CDC25A: variants seen among roughly 807,000 people sequenced by gnomAD.
CDC25A encodes cell division cycle 25A, also known as M-phase inducer phosphatase 1.
CDC25A carries 17 observed loss-of-function variants against 64.6 expected under a neutral mutation model. The ratio of observed to expected loss-of-function variants is 0.26; its 90% confidence interval spans 0.18 to 0.39. CDC25A has a LOEUF of 0.39. Ranked by LOEUF, CDC25A falls within the 10% of genes least tolerant of loss-of-function variation. The probability of loss-of-function intolerance (pLI) is 1.00; values close to 1 mark genes in which losing one functional copy is unlikely to be tolerated. For synonymous variants in CDC25A, 229 were observed against 238.6 expected (o/e 0.96, Z 0.37); for missense variants, 473 against 654.8 (o/e 0.72, Z 3.03).
intron 5 of CDC25A, chr3:48,181,823 T>G (rs2032681610): frequency 1.6e-6 from 1 of 612,502 alleles, no homozygotes; most frequent in Non-Finnish European, 2.9e-6. Context: ...ATGGCTAATA[T>G]TACAGTGATT....
At chr3:48,177,811 A>C in intron 7 of CDC25A, 43 bp downstream of exon 7, 1 of 1,593,318 alleles carries the variant, frequency 6.3e-7, no homozygotes, top group Non-Finnish European at 8.5e-7. Flanking sequence ...AGAGGTAATT[A>C]ATTAGTAGAA....
chr3:48,162,317 ACT>A (rs770294646), intron 13 of CDC25A, among the ~76,000 whole-genome samples: 6 of 149,666 alleles, frequency 4.0e-5, no homozygotes, highest in Non-Finnish European at 8.9e-5. Flanking sequence ...ACAGAATCTC[ACT>A]CTGTCACCTA....
At chr3:48,181,449 TTAAG>T (rs2032664060) in intron 5 of CDC25A, 1 of 651,522 alleles carries the variant, frequency 1.5e-6, no homozygotes, top group Non-Finnish European at 2.8e-6. Flanking sequence ...GAACTCATAA[TTAAG>T]TATTAAAAGC....
intron 9 of CDC25A, among the ~76,000 whole-genome samples, chr3:48,173,526 A>G (rs893793631): frequency 2.0e-5 from 3 of 152,188 alleles, no homozygotes; most frequent in African/African-American, 7.2e-5. Flanking sequence ...TTTAGACAAT[A>G]ATCATTCTAC....
chr3:48,184,861 A>G (rs1173464961), intron 2 of CDC25A, among the ~76,000 whole-genome samples, 166 bp from the exon 3 acceptor site: 1 of 152,206 alleles, frequency 6.6e-6, no homozygotes, highest in Non-Finnish European at 1.5e-5. Flanking sequence ...AGATTGTCAA[A>G]AATGTCATGT....
At chr3:48,165,586 C>T (rs753080607) in intron 12 of CDC25A, 50 bp downstream of exon 12, 2 of 1,333,200 alleles carry the variant, frequency 1.5e-6, no homozygotes, top group Non-Finnish European at 1.1e-6. Context: ...ACTTTAAAAC[C>T]ACAGATCCTG....
At chr3:48,168,713 TAC>T (rs902125749) in intron 9 of CDC25A, among the ~76,000 whole-genome samples, 1 of 147,958 alleles carries the variant, frequency 6.8e-6, no homozygotes, top group Admixed American at 7.0e-5. Context: ...CAGGCTGGAG[TAC>T]AGTGATCTTG....
chr3:48,162,266 TTGTGTGTGTG>T (rs35591959), intron 13 of CDC25A, among the ~76,000 whole-genome samples: 48 of 144,796 alleles, frequency 3.3e-4, no homozygotes, highest in Middle Eastern at 3.5e-3. Flanking sequence ...AGTATAACCT[TTGTGTGTGTG>T]TGTGTGTGTG....
intron 13 of CDC25A, among the ~76,000 whole-genome samples, chr3:48,160,329 T>G (rs1180019763): frequency 6.6e-6 from 1 of 151,968 alleles, no homozygotes. Context: ...CAGGATGGTC[T>G]CGACCTCTTG....
At chr3:48,180,649 T>C in intron 6 of CDC25A, 72 bp downstream of exon 6, 1 of 1,550,400 alleles carries the variant, frequency 6.4e-7, no homozygotes, top group Non-Finnish European at 8.8e-7. Context: ...GTGCCTTCAA[T>C]TCTGGATGAA....
At position 48,173,901 on chromosome 3, in the gene CDC25A, T is replaced by C. The variant is rs138056357; in HGVS notation, c.930+383A>G. Among the ~76,000 whole-genome samples, 426 of 152,302 alleles carry C rather than the reference T, an allele frequency of 2.8e-3. 3 individuals carry two copies. The highest frequency in any genetic ancestry group is 9.4e-3 in the African/African-American group (392 of 41,556). On this transcript the variant is annotated intron_variant, in intron 9 of 14. Coordinates refer to ENST00000302506, the MANE Select transcript of CDC25A (RefSeq NM_001789.3). ...ATGCCAACAACACTATGGATGGATG[T>C]TGGATTTGTCTTACAAAGATTTTAA...
At position 48,174,680 on chromosome 3, in the gene CDC25A, T is replaced by C. The variant is rs1382054448; in HGVS notation, c.757-223A>G. The C allele has an allele frequency of 2.0e-5, 8 of 392,570 alleles. 1 individual carries two copies. Among genetic ancestry groups the C allele is most frequent in the African/African-American group, 1.0e-4 (5 of 48,274 alleles). 24.3% of individuals were successfully genotyped at this position (392,570 alleles called of 1,614,324 possible). A position where few individuals can be genotyped will look rare whatever the true frequency, so the allele number is the denominator to read the frequency against. ...GAATATATACTCAGCTGACATTATATAGAGATGAGCAAAACGTCCTTTGCC... is the reference window on the plus strand; with the variant it reads ...GAATATATACTCAGCTGACATTATACAGAGATGAGCAAAACGTCCTTTGCC... On this transcript the variant is annotated intron_variant, in intron 8 of 14. Coordinates refer to ENST00000302506, the MANE Select transcript of CDC25A (RefSeq NM_001789.3).
At chr3:48,184,130 G>T (rs1003462499) in intron 3 of CDC25A, among the ~76,000 whole-genome samples, 2 of 152,136 alleles carry the variant, frequency 1.3e-5, no homozygotes, top group African/African-American at 2.4e-5. Flanking sequence ...GGAGGCCGAG[G>T]AGGGTATATC....
At chr3:48,184,563 C>A (rs2032781459) in intron 3 of CDC25A, 90 bp downstream of exon 3, 2 of 837,914 alleles carry the variant, frequency 2.4e-6, no homozygotes, top group South Asian at 3.2e-5. Flanking sequence ...GGGCTCCAGT[C>A]CAGTGTATGA....
chr3:48,157,711 TA>T lies in CDC25A; in HGVS notation c.*1233del, dbSNP rs1000072837. On this transcript the variant is annotated 3_prime_UTR_variant, in exon 15 of 15. Transcript: ENST00000302506. ...ATTCATCACTCCCTGTCTCTAAAAT[TA>T]AAACATGATAAACCCAGAAAGTTTT... 30 of 152,574 alleles carry T rather than the reference TA, an allele frequency of 2.0e-4. No individual in the cohort carries two copies. Among genetic ancestry groups the T allele is most frequent in the African/African-American group, 7.2e-4 (30 of 41,426 alleles). The allele number at this position is 152,574 out of a possible 1,614,324, so 9.5% of individuals were successfully genotyped here. A position where few individuals can be genotyped will look rare whatever the true frequency, so the allele number is the denominator to read the frequency against.
In CDC25A at chr3:48,173,240, T is replaced by TA. The variant is rs1357020484; in HGVS notation, c.930+1043dup. Reference sequence around the variant, plus strand: ...AAAAAAAAAAAAAGACAGACCTTTATAAAAATCAAGTATTTAATAGGCCAT... The same window carrying TA: ...AAAAAAAAAAAAAGACAGACCTTTATAAAAAATCAAGTATTTAATAGGCCAT... On this transcript the variant is annotated intron_variant, in intron 9 of 14. Coordinates refer to ENST00000302506, the MANE Select transcript of CDC25A (RefSeq NM_001789.3). Among the ~76,000 whole-genome samples, 10 of 150,222 alleles carry TA rather than the reference T, an allele frequency of 6.7e-5. No homozygotes were observed. In the East Asian group the frequency reaches 1.8e-3, roughly 26 times the overall value.
intron 9 of CDC25A, 54 bp downstream of exon 9, chr3:48,174,230 G>C (rs760476535): frequency 1.3e-6 from 2 of 1,482,572 alleles, no homozygotes; most frequent in Non-Finnish European, 1.8e-6. Flanking sequence ...GAAATTTTTA[G>C]AACTGAAAAA....
intron 8 of CDC25A, 42 bp from the exon 9 acceptor site, chr3:48,174,499 C>A: frequency 6.4e-7 from 1 of 1,571,188 alleles, no homozygotes; most frequent in Non-Finnish European, 8.6e-7. Flanking sequence ...TTCATTAAAA[C>A]CTGTTCACTT....
At chr3:48,183,552 C>T (rs1193993576) in intron 4 of CDC25A, among the ~76,000 whole-genome samples, 1 of 152,076 alleles carries the variant, frequency 6.6e-6, no homozygotes, top group Non-Finnish European at 1.5e-5. Context: ...TGGTGTGCAC[C>T]TATATATAGT....
Sources: gnomAD v4.1 joint callset for allele counts (sites outside exome capture counted in the v4.1 genomes callset) on GRCh38, gnomAD v4.1.1 for gene constraint, MANE v1.5 for transcripts, NCBI Gene and HGNC (gene_info 2026-07-23, HGNC 2026-07-21) for gene names.